Variants in DDX52 observed in about 807,000 individuals in gnomAD.
DDX52 encodes the protein DExD-box helicase 52, also known as probable ATP-dependent RNA helicase DDX52.
A neutral mutation model predicts 76.1 loss-of-function variants in DDX52; 59 were observed. That is an observed-to-expected ratio of 0.78 (90% CI 0.63 to 0.96). The LOEUF is 0.96. Ranked by LOEUF, DDX52 falls within the 40% of genes least tolerant of loss-of-function variation. The probability of loss-of-function intolerance (pLI) is 0.00; values close to 1 mark genes in which losing one functional copy is unlikely to be tolerated. For synonymous variants in DDX52, 231 were observed against 244.1 expected, an observed-to-expected ratio of 0.95 and a Z score of 0.50; for missense variants, 707 against 703.9, an observed-to-expected ratio of 1.00 and a Z score of -0.05.
At chr17:37,642,827 A>G (rs1433747873) in intron 1 of DDX52, 1 of 163,750 alleles carries the variant, frequency 6.1e-6, no homozygotes, top group Non-Finnish European at 1.3e-5. Flanking sequence ...CCCCCGATGT[A>G]TCACTCACTA....
At chr17:37,626,728 A>G in intron 7 of DDX52, 60 bp downstream of exon 7, 1 of 1,536,158 alleles carries the variant, frequency 6.5e-7, no homozygotes, top group Non-Finnish European at 8.9e-7. Flanking sequence ...GCAATAGAGG[A>G]CAAAATATAA....
intron 9 of DDX52, among the ~76,000 whole-genome samples, chr17:37,622,721 A>G (rs1368001224): frequency 6.6e-6 from 1 of 152,104 alleles, no homozygotes; most frequent in Non-Finnish European, 1.5e-5. Context: ...GGGTTTGCAG[A>G]CCTCCCAAAG....
intron 9 of DDX52, among the ~76,000 whole-genome samples, chr17:37,623,444 T>C (rs117634075): frequency 1.3e-5 from 2 of 152,184 alleles, no homozygotes; most frequent in East Asian, 1.9e-4. Context: ...AACAAAATTA[T>C]GTAGTCACAT....
chr17:37,613,511 T>C lies in DDX52; in HGVS notation c.*785A>G, dbSNP rs188196761. ...GAAAGGGAGAAGCTGATCATGATCTTGTACAACATTATGACAGCACTAAGG... is the reference window on the plus strand; with the variant it reads ...GAAAGGGAGAAGCTGATCATGATCTCGTACAACATTATGACAGCACTAAGG... On this transcript the variant is annotated 3_prime_UTR_variant, in exon 15 of 15. Coordinates refer to ENST00000617633, the MANE Select transcript of DDX52 (RefSeq NM_007010.5). 24 of 152,290 alleles carry C rather than the reference T, an allele frequency of 1.6e-4. No homozygotes were observed. Among genetic ancestry groups the C allele is most frequent in the Non-Finnish European group, 3.1e-4 (21 of 68,024 alleles). The allele number at this position is 152,290 out of a possible 1,614,324, so 9.4% of individuals were successfully genotyped here.
At chr17:37,618,471 C>A in intron 13 of DDX52, 87 bp from the exon 14 acceptor site, 1 of 1,114,160 alleles carries the variant, frequency 9.0e-7, no homozygotes, top group Non-Finnish European at 1.2e-6. Flanking sequence ...GATCCTTGAT[C>A]ACAAAATTCA....
chr17:37,624,437 G>A lies in DDX52; in HGVS notation c.1137-3C>T. The A allele has an allele frequency of 4.4e-6, 7 of 1,596,492 alleles. No individual in the cohort carries two copies. The highest frequency in any genetic ancestry group is 6.0e-6 in the Non-Finnish European group (7 of 1,169,310). On this transcript the variant is annotated splice_region_variant and splice_polypyrimidine_tract_variant and intron_variant, in intron 8 of 14. Transcript: ENST00000617633. The stretch of plus-strand genomic sequence containing the variant: ...CTACAGTTTCTACTGCAGAATTCCT[G>A]GGAAGAAAATATACCTTGTAGTTTG...
Position 37,628,639 on chromosome 17 carries a change from T to G in DDX52, c.781A>C (p.Thr261Pro), listed in dbSNP as rs1360060577. The change falls in exon 6 of 15, where the codon ACA (threonine) becomes CCA (proline). Residue 261 changes from threonine (T) to proline (P), a missense_variant. Transcript: ENST00000617633. ...TGGATCATGTGTATTCTGAATCCTG[T>G]TCCCTCAGAAATTTTTATTAACTCT... Reference protein sequence around the residue: ...HRELIKISEGTGFRIHMIHKA... With the variant: ...HRELIKISEGPGFRIHMIHKA... The G allele has an allele frequency of 6.2e-7, 1 of 1,604,710 alleles. No homozygotes were observed. The highest frequency in any genetic ancestry group is 8.5e-7 in the Non-Finnish European group (1 of 1,177,528).
intron 7 of DDX52, 26 bp downstream of exon 7, chr17:37,626,762 G>T: frequency 6.3e-7 from 1 of 1,588,788 alleles, no homozygotes; most frequent in Non-Finnish European, 8.6e-7. Flanking sequence ...AAATACACAC[G>T]AAAGACATGA....
chr17:37,616,344 A>C (rs2147333322), intron 14 of DDX52, among the ~76,000 whole-genome samples: 1 of 152,082 alleles, frequency 6.6e-6, no homozygotes, highest in Admixed American at 6.5e-5. Flanking sequence ...TGCGACAGAA[A>C]ATTAAAATTT....
At position 37,612,527 on chromosome 17, in the gene DDX52, G is replaced by A. The variant is rs529314505; in HGVS notation, c.*1769C>T. 27 of 152,262 alleles carry A rather than the reference G, an allele frequency of 1.8e-4. No individual in the cohort carries two copies. The highest frequency in any genetic ancestry group is 6.3e-4 in the African/African-American group (26 of 41,542). The allele number at this position is 152,262 out of a possible 1,614,324, so 9.4% of individuals were successfully genotyped here. A position where few individuals can be genotyped will look rare whatever the true frequency, so the allele number is the denominator to read the frequency against. Reference sequence around the variant, plus strand: ...ACAGACTATACCATATAGCCTAGGTGTACTGGTAGGCTATACCATCTAGGT... The same window carrying A: ...ACAGACTATACCATATAGCCTAGGTATACTGGTAGGCTATACCATCTAGGT... On this transcript the variant is annotated 3_prime_UTR_variant, in exon 15 of 15. Transcript: ENST00000617633.
At chr17:37,619,952 A>C in intron 12 of DDX52, 113 bp from the exon 13 acceptor site, 1 of 975,228 alleles carries the variant, frequency 1.0e-6, no homozygotes, top group African/African-American at 1.6e-5. Context: ...GTAATCCACA[A>C]AGTGTTCTGA....
chr17:37,625,823 C>A, intron 8 of DDX52, 72 bp downstream of exon 8: 1 of 1,546,336 alleles, frequency 6.5e-7, no homozygotes, highest in South Asian at 1.1e-5. Context: ...AAACCTATCT[C>A]CTTCAGTCTT....
intron 2 of DDX52, among the ~76,000 whole-genome samples, chr17:37,641,598 G>C (rs775012900): frequency 6.6e-6 from 1 of 151,758 alleles, no homozygotes; most frequent in Non-Finnish European, 1.5e-5. Flanking sequence ...TTAGCTAGGC[G>C]TGGTGACACG....
chr17:37,633,941 T>C (rs995872278), intron 2 of DDX52, among the ~76,000 whole-genome samples: 4 of 83,056 alleles, frequency 4.8e-5, no homozygotes, highest in Non-Finnish European at 7.2e-5. Flanking sequence ...ATTTCTTTCC[T>C]TTTTTTTTTT....
rs576493545 is a variant in DDX52 at position 37,611,256 on chromosome 17, G to A, written c.*3040C>T. On this transcript the variant is annotated 3_prime_UTR_variant, in exon 15 of 15. Coordinates refer to ENST00000617633, the MANE Select transcript of DDX52 (RefSeq NM_007010.5). ...CAGATACAATGGTGGGATGAGAAGT[G>A]GGGGTGGAAGACAGTGAGACTGATG... is the stretch of plus-strand genomic sequence containing the variant. 186 of 152,344 alleles carry A rather than the reference G, an allele frequency of 1.2e-3. No individual in the cohort carries two copies. Among genetic ancestry groups the A allele is most frequent in the African/African-American group, 4.3e-3 (180 of 41,570 alleles). The allele number at this position is 152,344 out of a possible 1,614,324, so 9.4% of individuals were successfully genotyped here.
chr17:37,641,693 C>T (rs552006396), intron 2 of DDX52, among the ~76,000 whole-genome samples: 174 of 151,990 alleles, frequency 1.1e-3, no homozygotes, highest in African/African-American at 4.0e-3. Flanking sequence ...GCCGAGATCG[C>T]GCCACTGCAC....
chr17:37,609,964 A>G lies in DDX52; in HGVS notation c.*4332T>C, dbSNP rs1479433384. On this transcript the variant is annotated 3_prime_UTR_variant, in exon 15 of 15. Transcript: ENST00000617633. ...AACCAAGAGCCCAAAAACCCAACCC[A>G]TATTTCGAAAAAACTCCAAGGTGTA... 5 of 151,492 alleles carry G rather than the reference A, an allele frequency of 3.3e-5. No homozygotes were observed. The highest frequency in any genetic ancestry group is 2.6e-4 in the Admixed American group (4 of 15,268). 9.4% of individuals were successfully genotyped at this position (151,492 alleles called of 1,614,324 possible).
chr17:37,642,254 A>G lies in DDX52; in HGVS notation c.142T>C (p.Phe48Leu). The change falls in exon 2 of 15, where the codon TTT (phenylalanine) becomes CTT (leucine). Residue 48 changes from phenylalanine (F) to leucine (L), a missense_variant. Phe to Leu is a conservative substitution (Grantham distance 22). Transcript: ENST00000617633. ...GGGACAGACTTCTTGTTTCCAAAAA[A>G]GTCCAGTCCCTGAAGCACCTCCGAA... ...DSSEVLQGLD[F>L]FGNKKSVPGV... 3 of 1,614,162 alleles carry G rather than the reference A, an allele frequency of 1.9e-6. No individual in the cohort carries two copies. The highest frequency in any genetic ancestry group is 2.5e-6 in the Non-Finnish European group (3 of 1,180,032).
intron 12 of DDX52, chr17:37,620,177 G>C (rs1366859126): frequency 4.3e-5 from 10 of 232,662 alleles, no homozygotes; most frequent in Non-Finnish European, 5.0e-5. Flanking sequence ...CTATGGGGTT[G>C]GCACCGTTGC....
Sources: gnomAD v4.1 joint callset for allele counts (sites outside exome capture counted in the v4.1 genomes callset) on GRCh38, gnomAD v4.1.1 for gene constraint, MANE v1.5 for transcripts, NCBI Gene and HGNC (gene_info 2026-07-23, HGNC 2026-07-21) for gene names.